DLGAP4: variants seen among roughly 807,000 people sequenced by gnomAD.
DLGAP4 encodes DLG associated protein 4.
DLGAP4 carries 18 observed loss-of-function variants against 86.9 expected under a neutral mutation model. The observed-to-expected ratio is 0.21, with a 90% CI of 0.14 to 0.31. The LOEUF (loss-of-function observed/expected upper bound fraction) is 0.31. Ranked by LOEUF, DLGAP4 falls within the 10% of genes least tolerant of loss-of-function variation. The pLI, the probability that DLGAP4 is intolerant of heterozygous loss-of-function variation, is 1.00. For missense variants in DLGAP4, 1,085 were observed against 1,362.6 expected, an observed-to-expected ratio of 0.80 and a Z score of 3.21; for synonymous variants, 548 against 574.3, an observed-to-expected ratio of 0.95 and a Z score of 0.65.
intron 6 of DLGAP4, among the ~76,000 whole-genome samples, chr20:36,443,660 C>A (rs912315700): frequency 6.6e-6 from 1 of 152,060 alleles, no homozygotes; most frequent in African/African-American, 2.4e-5. Context: ...GGATGTGATG[C>A]GTTAACATAC....
rs1302767111 is a variant in DLGAP4, at chr20:36,527,633, A to G, written c.*602A>G. 1 of 152,514 alleles carries G rather than the reference A, an allele frequency of 6.6e-6. No individual in the cohort carries two copies. The highest frequency in any genetic ancestry group is 1.9e-4 in the East Asian group (1 of 5,132). The allele number at this position is 152,514 out of a possible 1,614,324, so 9.4% of individuals were successfully genotyped here. The stretch of plus-strand genomic sequence containing the variant: ...TCCCCCCGCCAAGTGCTCACACACA[A>G]CCTCACGCGCACACACACACACGCA... On this transcript the variant is annotated 3_prime_UTR_variant, in exon 13 of 13. Transcript: ENST00000339266.
chr20:36,496,683 C>A, intron 7 of DLGAP4, 22 bp from the exon 8 acceptor site: 1 of 1,586,286 alleles, frequency 6.3e-7, no homozygotes, highest in Non-Finnish European at 8.6e-7. Flanking sequence ...CTCTCCCCTG[C>A]CCTTCTCTCA....
chr20:36,447,910 G>GC (rs1284621728), intron 7 of DLGAP4, among the ~76,000 whole-genome samples: 9 of 126,504 alleles, frequency 7.1e-5, no homozygotes, highest in South Asian at 3.2e-4. Context: ...GTGGGGGGGG[G>GC]GGAGACAAGG....
chr20:36,332,310 C>T (rs1167440283), intron 1 of DLGAP4, among the ~76,000 whole-genome samples: 4 of 152,160 alleles, frequency 2.6e-5, no homozygotes, highest in South Asian at 4.1e-4. Context: ...CACGGCCCCC[C>T]TCCTTTCCTC....
intron 2 of DLGAP4, among the ~76,000 whole-genome samples, chr20:36,430,871 C>T (rs1379028479): frequency 2.7e-5 from 4 of 150,486 alleles, no homozygotes; most frequent in African/African-American, 9.8e-5. Flanking sequence ...AGGAGAATCA[C>T]TTGAACCCGG....
chr20:36,521,319 A>G (rs1361020501), intron 10 of DLGAP4, among the ~76,000 whole-genome samples: 1 of 152,070 alleles, frequency 6.6e-6, no homozygotes, highest in Non-Finnish European at 1.5e-5. Flanking sequence ...TGATAGATGC[A>G]TGTTCTTTCT....
chr20:36,354,767 A>G (rs1600427096), intron 1 of DLGAP4, among the ~76,000 whole-genome samples: 1 of 152,114 alleles, frequency 6.6e-6, no homozygotes, highest in East Asian at 1.9e-4. Context: ...CTCATCTCTT[A>G]AAAATGAAAA....
At chr20:36,447,000 T>G in intron 7 of DLGAP4, 63 bp downstream of exon 7, 1 of 1,535,036 alleles carries the variant, frequency 6.5e-7, no homozygotes, top group Non-Finnish European at 8.8e-7. Context: ...GGACCATACC[T>G]GGAGGGCCAG....
At chr20:36,450,881 C>T (rs532866554) in intron 7 of DLGAP4, among the ~76,000 whole-genome samples, 41 of 152,252 alleles carry the variant, frequency 2.7e-4, no homozygotes, top group African/African-American at 9.4e-4. Context: ...TGGGCAAATG[C>T]GTTGAGATTT....
rs189956798 is a variant in DLGAP4, at chr20:36,407,783, G to A, written c.-72-23863G>A. Among the ~76,000 whole-genome samples the A allele has an allele frequency of 1.8e-4, 27 of 152,268 alleles. No individual in the cohort carries two copies. In the East Asian group the frequency reaches 5.2e-3, roughly 30 times the overall value. ...AGAGGAAACACACAAACAGCCTGGA[G>A]GGAGCGTGTCCTGGGAAGAGTGAAT... On this transcript the variant is annotated intron_variant, in intron 2 of 12. Transcript: ENST00000339266.
intron 8 of DLGAP4, chr20:36,497,369 C>T: frequency 8.1e-7 from 1 of 1,241,664 alleles, no homozygotes; most frequent in South Asian, 2.0e-5. Context: ...TGTCCACTGT[C>T]TGTCTGTCCA....
chr20:36,466,737 C>T (rs1056511697), intron 7 of DLGAP4, among the ~76,000 whole-genome samples: 5 of 152,228 alleles, frequency 3.3e-5, no homozygotes, highest in South Asian at 2.1e-4. Flanking sequence ...GGCCCAGGGA[C>T]GGGTAGGGAT....
intron 1 of DLGAP4, among the ~76,000 whole-genome samples, chr20:36,323,038 G>T (rs574847965): frequency 6.6e-6 from 1 of 151,958 alleles, no homozygotes; most frequent in Non-Finnish European, 1.5e-5. Flanking sequence ...AGCTGGGCAT[G>T]GTGGTGTGTG....
chr20:36,476,312 A>AACC (rs1213235943), intron 7 of DLGAP4, among the ~76,000 whole-genome samples: 3 of 143,686 alleles, frequency 2.1e-5, no homozygotes, highest in African/African-American at 7.8e-5. Context: ...GGTCCCTGGC[A>AACC]ACCACCTTTT....
intron 1 of DLGAP4, among the ~76,000 whole-genome samples, chr20:36,321,178 G>T (rs1000110905): frequency 6.6e-6 from 1 of 152,194 alleles, no homozygotes; most frequent in Admixed American, 6.5e-5. Context: ...GGAGGGAGTG[G>T]TCCAAGCTGA....
chr20:36,500,184 AC>A lies in DLGAP4; in HGVS notation c.2100-10del. On this transcript the variant is annotated splice_polypyrimidine_tract_variant and intron_variant, in intron 9 of 12. Coordinates refer to ENST00000339266, the MANE Select transcript of DLGAP4 (RefSeq NM_001365621.2). The surrounding 1 kb of genome is among the most constrained non-coding windows in gnomAD (Gnocchi z 4.6). ...ACTCCTTCCTGTCCCCACCCCATCC[AC>A]CCCCTACCCACAGAAGCAGCGTCCC... The A allele has an allele frequency of 8.0e-7, 1 of 1,247,764 alleles. No individual in the cohort carries two copies. The highest frequency in any genetic ancestry group is 2.0e-5 in the African/African-American group (1 of 50,780). The allele number at this position is 1,247,764 out of a possible 1,614,324, so 77.3% of individuals were successfully genotyped here. A position where few individuals can be genotyped will look rare whatever the true frequency, so the allele number is the denominator to read the frequency against.
chr20:36,520,409 A>C (rs907847822), intron 10 of DLGAP4, among the ~76,000 whole-genome samples: 3 of 151,614 alleles, frequency 2.0e-5, no homozygotes, highest in African/African-American at 7.3e-5. Context: ...GCAGTGGCAC[A>C]ATCTCAGCTC....
intron 2 of DLGAP4, among the ~76,000 whole-genome samples, chr20:36,375,186 C>T (rs2031104132): frequency 6.6e-6 from 1 of 152,206 alleles, no homozygotes; most frequent in African/African-American, 2.4e-5. Context: ...TGTGGCCCTG[C>T]TCCTTGTCTC....
chr20:36,469,761 A>G (rs2147657906), intron 7 of DLGAP4, among the ~76,000 whole-genome samples: 1 of 152,020 alleles, frequency 6.6e-6, no homozygotes, highest in East Asian at 1.9e-4. Context: ...TCAAAAAAAA[A>G]AAAAAAAAAG....
Sources: allele counts gnomAD v4.1 joint callset (sites outside exome capture counted in the v4.1 genomes callset), GRCh38; gene constraint gnomAD v4.1.1; non-coding constraint Gnocchi (gnomAD v3.1); transcripts MANE v1.5; gene names NCBI Gene and HGNC (gene_info 2026-07-23, HGNC 2026-07-21).